Variants in CCDC169 observed in about 807,000 individuals in gnomAD.
The protein encoded by CCDC169 is coiled-coil domain containing 169.
Under a neutral mutation model 36.0 loss-of-function variants are expected in CCDC169, and 30 were observed. The ratio of observed to expected loss-of-function variants is 0.83; its 90% CI spans 0.62 to 1.13. CCDC169 has a LOEUF of 1.13. Among genes scored for constraint, CCDC169 ranks in the 50% most tolerant of loss-of-function variants. CCDC169 has a pLI of 0.00. For missense variants in CCDC169, 245 were observed against 245.9 expected, an observed-to-expected ratio of 1.00 and a Z score of 0.03; for synonymous variants, 85 against 81.5, an observed-to-expected ratio of 1.04 and a Z score of -0.23.
chr13:36,283,637 CAA>C lies in CCDC169; in HGVS notation c.227_228del (p.Ile76SerfsTer17). On this transcript the variant is annotated frameshift_variant, in exon 3 of 8. Transcript: ENST00000239859. LOFTEE classifies it high-confidence loss of function. ...TTTTCCACTTTCTCCTTGAGATAAA[CAA>C]TTTGCTTTTCTAGTTCATCATTTAA... is the stretch of plus-strand genomic sequence containing the variant. ...LELNDELEKQ[I>X]VYLKEKVEKI... 6.4e-7 allele frequency: 1 copy of C among 1,551,256 alleles called. No homozygotes were observed. Among genetic ancestry groups the C allele is most frequent in the African/African-American group, 1.4e-5 (1 of 73,114 alleles).
intron 7 of CCDC169, among the ~76,000 whole-genome samples, chr13:36,247,180 T>C (rs879784850): frequency 5.3e-5 from 8 of 152,208 alleles, no homozygotes; most frequent in Non-Finnish European, 1.2e-4. Context: ...TGAGACCTAC[T>C]GCTCAGAAAA....
intron 4 of CCDC169, among the ~76,000 whole-genome samples, chr13:36,270,489 C>T (rs1239652534): frequency 6.6e-6 from 1 of 152,106 alleles, no homozygotes; most frequent in Non-Finnish European, 1.5e-5. Flanking sequence ...AAGAACAACT[C>T]TGGAGGCATC....
chr13:36,256,535 C>T lies in CCDC169; in HGVS notation c.316-2392G>A, dbSNP rs984292822. ...AATCAATGACCTCCATCTGGTCTTG[C>T]CCTTGACATGTGGGAATATTACAAT... is the stretch of plus-strand genomic sequence containing the variant. On this transcript the variant is annotated intron_variant, in intron 4 of 7. Coordinates refer to ENST00000239859, the MANE Select transcript of CCDC169 (RefSeq NM_001144981.3). Among the ~76,000 whole-genome samples, 5 of 133,144 alleles carry T rather than the reference C, an allele frequency of 3.8e-5. No homozygotes were observed. In the East Asian group the frequency reaches 1.1e-3, roughly 29 times the overall value. The allele number at this position is 133,144 out of a possible 152,430, so 87.3% of individuals were successfully genotyped here.
In CCDC169 at chr13:36,237,369, T is replaced by C. The variant is rs1364710712; in HGVS notation, c.546-6077A>G. Among the ~76,000 whole-genome samples the C allele has an allele frequency of 2.6e-5, 4 of 152,246 alleles. No homozygotes were observed. The South Asian group carries it at 6.2e-4, about 24-fold the overall frequency. ...GGAATATAAAATGGTACAGCCACTA[T>C]AGAAAATAGCTTGGCAGTTCCTCAA... On this transcript the variant is annotated intron_variant, in intron 7 of 7. Transcript: ENST00000239859.
At chr13:36,227,119 T>C (rs9546784), downstream of CCDC169, 393,714 of 898,560 alleles carry the variant, frequency 0.44, 88,568 homozygotes, top group Non-Finnish European at 0.47. Context: ...ATCTTTTCTG[T>C]ACAATTTCCT....
intron 5 of CCDC169, 90 bp downstream of exon 5, chr13:36,253,955 G>GTTTTGTAAGCA (rs71300909): frequency 0.46 from 699,412 of 1,520,302 alleles, 164,454 homozygotes; most frequent in Non-Finnish European, 0.48. Context: ...GTAGGAAATA[G>GTTTTGTAAGCA]TTTTGTGTTA....
chr13:36,243,321 G>A (rs557003463), intron 7 of CCDC169, among the ~76,000 whole-genome samples: 14 of 152,194 alleles, frequency 9.2e-5, no homozygotes, highest in Non-Finnish European at 1.3e-4. Flanking sequence ...CCAACATGGC[G>A]AAACCCTGTC....
At chr13:36,224,754 C>G (rs566760487), downstream of CCDC169, 1 of 152,284 alleles carries the variant, frequency 6.6e-6, no homozygotes, top group South Asian at 2.1e-4. Flanking sequence ...TCCTATCAAA[C>G]TACTAACATC....
At chr13:36,228,107 T>C (rs1386776487), downstream of CCDC169, among the ~76,000 whole-genome samples, 3 of 152,238 alleles carry the variant, frequency 2.0e-5, no homozygotes, top group Non-Finnish European at 4.4e-5. Flanking sequence ...TCTTGACTAT[T>C]TGAATAATGG....
chr13:36,293,946 T>C (rs193113789), intron 2 of CCDC169, among the ~76,000 whole-genome samples: 26 of 152,290 alleles, frequency 1.7e-4, no homozygotes, highest in African/African-American at 6.0e-4. Flanking sequence ...AGTTGTATTA[T>C]CATTTACTGA....
At chr13:36,278,839 A>G (rs1877163875) in intron 4 of CCDC169, among the ~76,000 whole-genome samples, 1 of 152,152 alleles carries the variant, frequency 6.6e-6, no homozygotes, top group African/African-American at 2.4e-5. Context: ...CCATAATCCA[A>G]AACTATTTTC....
chr13:36,232,223 G>C (rs1870516040), intron 7 of CCDC169, among the ~76,000 whole-genome samples: 11 of 152,140 alleles, frequency 7.2e-5, no homozygotes. Context: ...TCAGTAGCCT[G>C]GTGGACACCA....
intron 7 of CCDC169, among the ~76,000 whole-genome samples, chr13:36,245,182 C>G (rs563731875): frequency 6.6e-6 from 1 of 152,116 alleles, no homozygotes; most frequent in Admixed American, 6.5e-5. Flanking sequence ...TTTTTCCCTA[C>G]ATGGGATAAA....
In CCDC169 at chr13:36,252,536, C is replaced by T. The variant is rs968599162; in HGVS notation, c.468+1267G>A. Among the ~76,000 whole-genome samples the T allele has an allele frequency of 2.0e-5, 3 of 152,140 alleles. No homozygotes were observed. The East Asian group carries it at 5.8e-4, about 29-fold the overall frequency. ...CACTCCCATCCTCAAAATCCTCTAC[C>T]TCCTTGTCTGACCTAGCTATGTCTT... On this transcript the variant is annotated intron_variant, in intron 6 of 7. Transcript: ENST00000239859.
intron 4 of CCDC169, among the ~76,000 whole-genome samples, chr13:36,258,126 T>C (rs1175714459): frequency 2.0e-5 from 3 of 152,174 alleles, no homozygotes; most frequent in East Asian, 1.9e-4. Flanking sequence ...ATCTTCAGTG[T>C]TGGTGGTTTT....
chr13:36,245,774 T>C (rs1872439097), intron 7 of CCDC169, among the ~76,000 whole-genome samples: 1 of 152,230 alleles, frequency 6.6e-6, no homozygotes, highest in African/African-American at 2.4e-5. Context: ...TTCACTTTAT[T>C]GTGCTTCAAA....
chr13:36,266,173 C>T (rs559310370), intron 4 of CCDC169, among the ~76,000 whole-genome samples: 1 of 152,278 alleles, frequency 6.6e-6, no homozygotes, highest in East Asian at 1.9e-4. Context: ...TGACTGTCTT[C>T]AGCCTCCTGC....
intron 4 of CCDC169, among the ~76,000 whole-genome samples, chr13:36,260,731 T>C (rs1461825047): frequency 6.6e-6 from 1 of 152,212 alleles, no homozygotes; most frequent in Non-Finnish European, 1.5e-5. Context: ...CTTCCACTTC[T>C]TTGGCTTGAT....
chr13:36,253,784 G>T lies in CCDC169; in HGVS notation c.468+19C>A, dbSNP rs764565358. ...CAGTAAGAAGAAACACTTAGAATTTGGAAATAAAAAAGAGTTACCTGAGAC... is the reference window on the plus strand; with the variant it reads ...CAGTAAGAAGAAACACTTAGAATTTTGAAATAAAAAAGAGTTACCTGAGAC... On this transcript the variant is annotated intron_variant, in intron 6 of 7. Transcript: ENST00000239859. 97 of 1,540,052 alleles carry T rather than the reference G, an allele frequency of 6.3e-5. No individual in the cohort carries two copies. The highest frequency in any genetic ancestry group is 7.4e-5 in the Non-Finnish European group (85 of 1,144,258).
Sources: gnomAD v4.1 joint callset for allele counts (sites outside exome capture counted in the v4.1 genomes callset) on GRCh38, gnomAD v4.1.1 for gene constraint, MANE v1.5 for transcripts, NCBI Gene and HGNC (gene_info 2026-07-23, HGNC 2026-07-21) for gene names.